The following CHN2 variants were observed in gnomAD, a reference collection of about 807,000 sequenced individuals.
CHN2 encodes the protein beta-chimaerin.
CHN2 carries 35 observed loss-of-function variants against 56.3 expected under a neutral mutation model. The ratio of observed to expected loss-of-function variants is 0.62; its 90% CI spans 0.47 to 0.82. The LOEUF is 0.82. Ranked by LOEUF, CHN2 falls within the 40% of genes least tolerant of loss-of-function variation. The pLI, the probability that CHN2 is intolerant of heterozygous loss-of-function variation, is 0.00. For synonymous variants in CHN2, 210 were observed against 212.8 expected (o/e 0.99, Z 0.12); for missense variants, 491 against 580.5 (o/e 0.85, Z 1.58).
chr7:29,341,628 G>C (rs557017334), intron 1 of CHN2, among the ~76,000 whole-genome samples: 27 of 148,796 alleles, frequency 1.8e-4, no homozygotes, highest in Non-Finnish European at 3.7e-4. Flanking sequence ...GAGGGAGGGG[G>C]GCATCTCAGT....
At chr7:29,433,519 G>A (rs974724512) in intron 6 of CHN2, among the ~76,000 whole-genome samples, 4 of 152,168 alleles carry the variant, frequency 2.6e-5, no homozygotes, top group Admixed American at 6.5e-5. Flanking sequence ...GACAAACCTA[G>A]ATGTAGAGTT....
At chr7:29,149,189 C>CTTTTTT (rs60520174) in intron 2 of CHN2, among the ~76,000 whole-genome samples, 6 of 100,330 alleles carry the variant, frequency 6.0e-5, no homozygotes, top group African/African-American at 7.8e-5. Flanking sequence ...GTCTGTTTCC[C>CTTTTTT]TTTTTTTTTT....
At chr7:29,476,456 G>C (rs1786593858) in intron 6 of CHN2, among the ~76,000 whole-genome samples, 1 of 151,188 alleles carries the variant, frequency 6.6e-6, no homozygotes, top group East Asian at 1.9e-4. Flanking sequence ...AGAATCACTT[G>C]AACCCGGGAG....
chr7:29,456,620 C>CCCA (rs1554296781), intron 6 of CHN2, among the ~76,000 whole-genome samples: 4 of 137,386 alleles, frequency 2.9e-5, no homozygotes, highest in Admixed American at 7.2e-5. Flanking sequence ...CCCCCTCCCC[C>CCCA]CCACCACCAC....
chr7:29,266,560 G>A (rs1287117583), intron 1 of CHN2, among the ~76,000 whole-genome samples: 2 of 152,176 alleles, frequency 1.3e-5, no homozygotes, highest in East Asian at 1.9e-4. Flanking sequence ...AAGAGATTGT[G>A]TTTCAAGTGT....
intron 9 of CHN2, among the ~76,000 whole-genome samples, chr7:29,500,839 TAAAGGA>T (rs946192447): frequency 1.3e-5 from 2 of 152,132 alleles, no homozygotes; most frequent in African/African-American, 4.8e-5. Flanking sequence ...CAATGAAAAA[TAAAGGA>T]AACAAGGAAG....
chr7:29,249,586 C>T (rs1046700704), intron 1 of CHN2, among the ~76,000 whole-genome samples: 6 of 152,194 alleles, frequency 3.9e-5, no homozygotes, highest in East Asian at 1.9e-4. Context: ...GACACCTAAC[C>T]GTCACAACCC....
chr7:29,290,343 T>C (rs1305375253), intron 1 of CHN2, among the ~76,000 whole-genome samples: 2 of 152,240 alleles, frequency 1.3e-5, no homozygotes, highest in Non-Finnish European at 2.9e-5. Context: ...CTTGTGTTTA[T>C]CGCTCTGTTC....
intron 1 of CHN2, among the ~76,000 whole-genome samples, chr7:29,273,382 T>TAC (rs1790903179): frequency 5.1e-5 from 3 of 58,938 alleles, no homozygotes; most frequent in African/African-American, 2.5e-4. Context: ...TATATATATA[T>TAC]ATATATACAC....
intron 6 of CHN2, among the ~76,000 whole-genome samples, chr7:29,469,907 A>C (rs2128143989): frequency 6.6e-6 from 1 of 152,324 alleles, no homozygotes; most frequent in East Asian, 1.9e-4. Context: ...GAAATAAGGA[A>C]GGAAGAGAGA....
intron 1 of CHN2, among the ~76,000 whole-genome samples, chr7:29,294,487 A>G (rs1271205891): frequency 6.6e-6 from 1 of 152,136 alleles, no homozygotes; most frequent in East Asian, 1.9e-4. Flanking sequence ...AAAACTGTAA[A>G]TTGGGCATAT....
At chr7:29,378,832 G>A (rs972574467) in intron 3 of CHN2, among the ~76,000 whole-genome samples, 1 of 152,178 alleles carries the variant, frequency 6.6e-6, no homozygotes, top group Non-Finnish European at 1.5e-5. Context: ...GGGTGTGGTG[G>A]CACATGCCTG....
intron 1 of CHN2, among the ~76,000 whole-genome samples, chr7:29,235,972 C>A (rs1329836599): frequency 6.6e-6 from 1 of 152,186 alleles, no homozygotes; most frequent in Non-Finnish European, 1.5e-5. Flanking sequence ...ATCTGTACAC[C>A]AAACCCCCAT....
chr7:29,370,581 G>A (rs1004361011), intron 3 of CHN2, among the ~76,000 whole-genome samples: 9 of 151,950 alleles, frequency 5.9e-5, no homozygotes, highest in African/African-American at 1.5e-4. Flanking sequence ...GGTCCCTAGC[G>A]TGGTAGCTCC....
At chr7:29,265,673 A>G (rs1790082387) in intron 1 of CHN2, among the ~76,000 whole-genome samples, 1 of 152,156 alleles carries the variant, frequency 6.6e-6, no homozygotes, top group African/African-American at 2.4e-5. Context: ...ACATGAGAGA[A>G]GAGGGCTCTC....
At chr7:29,423,801 A>G (rs560985625) in intron 6 of CHN2, among the ~76,000 whole-genome samples, 2 of 152,252 alleles carry the variant, frequency 1.3e-5, no homozygotes, top group South Asian at 2.1e-4. Context: ...AGGAGTTGTC[A>G]TCTCTCTGTG....
chr7:29,466,837 GA>G (rs1245168983), intron 6 of CHN2, among the ~76,000 whole-genome samples: 2 of 151,988 alleles, frequency 1.3e-5, no homozygotes, highest in Non-Finnish European at 2.9e-5. Flanking sequence ...ACAAAACTGG[GA>G]AAAAATATTT....
chr7:29,362,737 G>A (rs1272471167), intron 2 of CHN2, among the ~76,000 whole-genome samples: 1 of 152,112 alleles, frequency 6.6e-6, no homozygotes, highest in Admixed American at 6.5e-5. Flanking sequence ...AGAGCTCCCT[G>A]CCTCTTCCCT....
chr7:29,405,383 A>G (rs1802572099), intron 6 of CHN2, among the ~76,000 whole-genome samples: 17 of 152,154 alleles, frequency 1.1e-4, no homozygotes, highest in Admixed American at 1.1e-3. Context: ...CACAGGGCGC[A>G]CATCATTAAC....
Sources: gnomAD v4.1 joint callset for allele counts (sites outside exome capture counted in the v4.1 genomes callset) on GRCh38, gnomAD v4.1.1 for gene constraint, MANE v1.5 for transcripts, NCBI Gene and HGNC (gene_info 2026-07-23, HGNC 2026-07-21) for gene names.